NBEA: variants seen among roughly 807,000 people sequenced by gnomAD.
The protein encoded by NBEA is neurobeachin.
In NBEA, 44 loss-of-function variants were observed where a neutral mutation model predicts 343.4. The ratio of observed to expected loss-of-function variants is 0.13; its 90% CI spans 0.10 to 0.16. The LOEUF (loss-of-function observed/expected upper bound fraction) is 0.16, where lower values mean the gene tolerates loss of function less well. Among genes scored for constraint, NBEA ranks in the 10% least tolerant of loss-of-function variants. NBEA has a pLI of 1.00. For missense variants in NBEA, 2,555 were observed against 3,631.3 expected (o/e 0.70, Z 7.62); for synonymous variants, 1,175 against 1,238.7 (o/e 0.95, Z 1.08).
Position 35,616,975 on chromosome 13 carries a change from G to A in NBEA, c.7449+10397G>A, listed in dbSNP as rs114438297. ...CAGCCAGCTGTGTGCAATGCACTAGGAACTGTAAGGATTCATATGTAATTC... is the reference window on the plus strand; with the variant it reads ...CAGCCAGCTGTGTGCAATGCACTAGAAACTGTAAGGATTCATATGTAATTC... On this transcript the variant is annotated intron_variant, in intron 48 of 58. Coordinates refer to ENST00000379939, the MANE Select transcript of NBEA (RefSeq NM_001385012.1). Among the ~76,000 whole-genome samples, 558 of 152,314 alleles carry A rather than the reference G, an allele frequency of 3.7e-3. 1 individual carries two copies. The highest frequency in any genetic ancestry group is 0.013 in the African/African-American group (531 of 41,570).
intron 41 of NBEA, among the ~76,000 whole-genome samples, chr13:35,544,308 G>A (rs1452955038): frequency 6.6e-6 from 1 of 152,106 alleles, no homozygotes; most frequent in Non-Finnish European, 1.5e-5. Flanking sequence ...AAAAAAATTT[G>A]TAATACTTGT....
chr13:34,964,501 C>T (rs2059758552), intron 1 of NBEA, among the ~76,000 whole-genome samples: 1 of 151,962 alleles, frequency 6.6e-6, no homozygotes, highest in Non-Finnish European at 1.5e-5. Flanking sequence ...ATTCTTATGG[C>T]TCCTTGGGGT....
At chr13:35,646,885 A>C (rs994918627) in intron 51 of NBEA, among the ~76,000 whole-genome samples, 1 of 152,226 alleles carries the variant, frequency 6.6e-6, no homozygotes, top group African/African-American at 2.4e-5. Flanking sequence ...GACTTGGGCA[A>C]GGTATTTAAC....
At chr13:35,526,334 T>C (rs1032287788) in intron 41 of NBEA, among the ~76,000 whole-genome samples, 2 of 152,204 alleles carry the variant, frequency 1.3e-5, no homozygotes, top group Non-Finnish European at 2.9e-5. Context: ...TCTGATCGTT[T>C]TTACAAAATA....
At chr13:35,337,541 C>T (rs182951898) in intron 36 of NBEA, among the ~76,000 whole-genome samples, 2 of 151,956 alleles carry the variant, frequency 1.3e-5, no homozygotes, top group Non-Finnish European at 2.9e-5. Context: ...ATAAATAATT[C>T]AAATATGTTA....
At chr13:35,371,027 T>G (rs2041402450) in intron 38 of NBEA, among the ~76,000 whole-genome samples, 1 of 152,084 alleles carries the variant, frequency 6.6e-6, no homozygotes, top group African/African-American at 2.4e-5. Flanking sequence ...GTTTTTCTTT[T>G]GCTGTTTTTT....
chr13:35,531,061 CT>C (rs1459386680), intron 41 of NBEA, among the ~76,000 whole-genome samples: 4 of 152,160 alleles, frequency 2.6e-5, no homozygotes, highest in Admixed American at 2.6e-4. Context: ...AAATATGCTT[CT>C]TTGTCAATGA....
intron 1 of NBEA, among the ~76,000 whole-genome samples, chr13:34,977,067 A>C (rs1379454923): frequency 6.6e-6 from 1 of 151,302 alleles, no homozygotes; most frequent in Admixed American, 6.6e-5. Flanking sequence ...CAGCCTCCCA[A>C]GTAGCTGGAA....
chr13:35,174,215 T>G (rs1025890729), intron 27 of NBEA, among the ~76,000 whole-genome samples: 1 of 152,146 alleles, frequency 6.6e-6, no homozygotes, highest in Non-Finnish European at 1.5e-5. Flanking sequence ...TCTCAGACTT[T>G]TATATGATTT....
intron 34 of NBEA, among the ~76,000 whole-genome samples, chr13:35,244,290 T>C (rs1330439851): frequency 6.6e-6 from 1 of 152,010 alleles, no homozygotes; most frequent in Admixed American, 6.6e-5. Context: ...AATATTTTTT[T>C]ATAAGGTGAG....
intron 41 of NBEA, among the ~76,000 whole-genome samples, chr13:35,501,843 G>A (rs1233673209): frequency 6.6e-6 from 1 of 152,060 alleles, no homozygotes; most frequent in Non-Finnish European, 1.5e-5. Context: ...CGGGGGCGGG[G>A]AACCCCTATT....
chr13:35,482,984 C>T (rs895442467), intron 41 of NBEA, among the ~76,000 whole-genome samples: 3 of 151,670 alleles, frequency 2.0e-5, no homozygotes, highest in Non-Finnish European at 4.4e-5. Context: ...ACTGTAACAC[C>T]GTTATTTATT....
At chr13:35,354,311 G>A (rs2040371605) in intron 38 of NBEA, among the ~76,000 whole-genome samples, 1 of 152,118 alleles carries the variant, frequency 6.6e-6, no homozygotes, top group African/African-American at 2.4e-5. Flanking sequence ...ATGTAGTCAG[G>A]ACTGTAACAT....
At chr13:35,378,046 T>C (rs2041836647) in intron 38 of NBEA, among the ~76,000 whole-genome samples, 2 of 152,186 alleles carry the variant, frequency 1.3e-5, no homozygotes, top group African/African-American at 2.4e-5. Flanking sequence ...GATTACAATA[T>C]AGCTTTAGGA....
At chr13:35,636,549 C>T (rs2083699488) in intron 49 of NBEA, among the ~76,000 whole-genome samples, 1 of 152,166 alleles carries the variant, frequency 6.6e-6, no homozygotes, top group South Asian at 2.1e-4. Context: ...CATGATTAAA[C>T]ACTTCTAGTG....
Position 35,667,524 on chromosome 13 carries a change from T to C in NBEA, c.8615T>C (p.Ile2872Thr). Residue 2872 changes from isoleucine to threonine, a missense_variant, in exon 57 of 59, where the codon ATT becomes ACT. By Grantham distance (89) the Ile-to-Thr change is moderately conservative. Coordinates refer to ENST00000379939, the MANE Select transcript of NBEA (RefSeq NM_001385012.1). ...CGAGGGCGATTCAGTAATTTCAGCA[T>C]TAATGGGAAACTTTTGGCTCAAATG... is the stretch of plus-strand genomic sequence containing the variant. ...YERGRFSNFS[I>T]NGKLLAQMEI... 1 of 1,614,056 alleles carries C rather than the reference T, an allele frequency of 6.2e-7. No homozygotes were observed. The highest frequency in any genetic ancestry group is 8.5e-7 in the Non-Finnish European group (1 of 1,179,888).
intron 36 of NBEA, among the ~76,000 whole-genome samples, chr13:35,347,699 A>G (rs1252636936): frequency 2.0e-5 from 3 of 151,802 alleles, no homozygotes; most frequent in Non-Finnish European, 4.4e-5. Context: ...TTCCTCCTCC[A>G]TCTCCTCCAT....
chr13:35,260,403 G>GT (rs1010010037), intron 34 of NBEA, among the ~76,000 whole-genome samples: 1 of 152,202 alleles, frequency 6.6e-6, no homozygotes, highest in Non-Finnish European at 1.5e-5. Context: ...TGAATAAGCA[G>GT]TTTTTATACA....
chr13:35,149,623 G>A (rs184847347), intron 18 of NBEA, among the ~76,000 whole-genome samples: 3 of 152,198 alleles, frequency 2.0e-5, no homozygotes, highest in East Asian at 3.9e-4. Flanking sequence ...TCATGAACAC[G>A]TGTTTATGTT....
Sources: gnomAD v4.1 joint callset for allele counts (sites outside exome capture counted in the v4.1 genomes callset) on GRCh38, gnomAD v4.1.1 for gene constraint, MANE v1.5 for transcripts, NCBI Gene and HGNC (gene_info 2026-07-23, HGNC 2026-07-21) for gene names.